PUS7: variants seen among roughly 807,000 people sequenced by gnomAD.
PUS7 encodes the protein pseudouridylate synthase 7 homolog.
Under a neutral mutation model 79.8 loss-of-function variants are expected in PUS7, and 48 were observed. That is an observed-to-expected ratio of 0.60 (90% CI 0.48 to 0.76). The LOEUF is 0.76. Ranked by LOEUF, PUS7 falls within the 30% of genes least tolerant of loss-of-function variation. The pLI, the probability that PUS7 is intolerant of heterozygous loss-of-function variation, is 0.00. For synonymous variants in PUS7, 286 were observed against 272.2 expected, an observed-to-expected ratio of 1.05 and a Z score of -0.50; for missense variants, 729 against 797.6, an observed-to-expected ratio of 0.91 and a Z score of 1.04.
chr7:105,491,580 C>T lies in PUS7; in HGVS notation c.880G>A (p.Asp294Asn). ...PNIFSYMGTK[D>N]KRAITVQEIA... ...TCTTGAACTGTTATAGCCCTTTTAT[C>T]TTTGGTTCCCATGTAGGAGAATATA... is the stretch of plus-strand genomic sequence containing the variant. The change falls in exon 7 of 16, where the codon GAT becomes AAT. Residue 294 changes from aspartate (D) to asparagine (N), a missense_variant. Transcript: ENST00000469408. The T allele has an allele frequency of 6.2e-7, 1 of 1,602,622 alleles. No individual in the cohort carries two copies. The highest frequency in any genetic ancestry group is 8.5e-7 in the Non-Finnish European group (1 of 1,169,896).
At chr7:105,501,965 AAAAAAT>A (rs956162385) in intron 5 of PUS7, among the ~76,000 whole-genome samples, 7 of 105,710 alleles carry the variant, frequency 6.6e-5, no homozygotes, top group South Asian at 3.1e-4. Flanking sequence ...AAAAAAAAAA[AAAAAAT>A]ATATATATAT....
At chr7:105,506,610 ACG>A (rs993677312) in intron 2 of PUS7, among the ~76,000 whole-genome samples, 3 of 151,804 alleles carry the variant, frequency 2.0e-5, no homozygotes, top group Admixed American at 2.0e-4. Flanking sequence ...TTTAGTAGAG[ACG>A]GGGTTGCACC....
Position 105,480,187 on chromosome 7 carries a change from T to C in PUS7, c.1175+865A>G, listed in dbSNP as rs570316437. Among the ~76,000 whole-genome samples, 30 of 151,634 alleles carry C rather than the reference T, an allele frequency of 2.0e-4. No individual in the cohort carries two copies. In the South Asian group the frequency reaches 2.1e-3, roughly 10 times the overall value. On this transcript the variant is annotated intron_variant, in intron 9 of 15. Coordinates refer to ENST00000469408, the MANE Select transcript of PUS7 (RefSeq NM_019042.5). ...ACCTGTTACAAAATAAAAATAAAAA[T>C]AGGGCTGGGCGTAGTGGCTCACACT...
At chr7:105,479,067 C>A (rs1824216213) in intron 9 of PUS7, among the ~76,000 whole-genome samples, 1 of 152,172 alleles carries the variant, frequency 6.6e-6, no homozygotes, top group Non-Finnish European at 1.5e-5. Flanking sequence ...GTCCTCTGAC[C>A]ATTAGCAAGG....
chr7:105,515,697 G>A (rs565512619), intron 1 of PUS7, among the ~76,000 whole-genome samples: 163 of 151,976 alleles, frequency 1.1e-3, no homozygotes, highest in African/African-American at 3.5e-3. Context: ...GCACAATCTC[G>A]GCTCACTGCA....
intron 2 of PUS7, among the ~76,000 whole-genome samples, chr7:105,507,766 T>C (rs1017280617): frequency 6.6e-6 from 1 of 151,994 alleles, no homozygotes; most frequent in African/African-American, 2.4e-5. Flanking sequence ...GGTCTCAAAC[T>C]CCTGACCTCA....
chr7:105,508,490 C>A lies in PUS7; in HGVS notation c.23G>T (p.Gly8Val). The stretch of plus-strand genomic sequence containing the variant: ...CAGTGCCCCACGTTTCAGCGACACA[C>A]CAGTCATTTCTGTCATCTCCATCTT... MEMTEMT[G>V]VSLKRGALVV... Residue 8 changes from glycine to valine, a missense_variant, in exon 2 of 16, where the codon GGT becomes GTT. Transcript: ENST00000469408. 6.2e-7 allele frequency: 1 copy of A among 1,613,186 alleles called. No individual in the cohort carries two copies. The highest frequency in any genetic ancestry group is 8.5e-7 in the Non-Finnish European group (1 of 1,179,526).
chr7:105,491,449 G>T, intron 7 of PUS7, 91 bp downstream of exon 7: 1 of 768,980 alleles, frequency 1.3e-6, no homozygotes, highest in Non-Finnish European at 2.0e-6. Flanking sequence ...ATCTAAAGCT[G>T]AGAGAGAAAC....
chr7:105,496,549 T>G (rs1825044914), intron 5 of PUS7, among the ~76,000 whole-genome samples: 1 of 152,168 alleles, frequency 6.6e-6, no homozygotes, highest in Non-Finnish European at 1.5e-5. Context: ...ATCCCTTATC[T>G]TCAGAGGCTT....
At chr7:105,470,633 T>A in intron 11 of PUS7, 55 bp downstream of exon 11, 1 of 1,473,878 alleles carries the variant, frequency 6.8e-7, no homozygotes, top group Non-Finnish European at 9.1e-7. Flanking sequence ...AAGATGAAAT[T>A]TAAAAAGCAT....
intron 5 of PUS7, among the ~76,000 whole-genome samples, chr7:105,498,206 A>G (rs563375004): frequency 6.6e-6 from 1 of 152,356 alleles, no homozygotes; most frequent in South Asian, 2.1e-4. Flanking sequence ...CTCAATATAC[A>G]AAATAGTAAG....
At position 105,508,209 on chromosome 7, in the gene PUS7, C is replaced by T; in HGVS notation, c.304G>A (p.Ala102Thr). Residue 102 changes from alanine to threonine, a missense_variant, in exon 2 of 16, where the codon GCA (alanine) becomes ACA (threonine). Transcript: ENST00000469408. ...ECEEEESESF[A>T]DMMKHGLTEA... Reference sequence around the variant, plus strand: ...GTGAGTCCATGCTTCATCATGTCTGCAAAACTCTCTGATTCCTCCTCCTCG... The same window carrying T: ...GTGAGTCCATGCTTCATCATGTCTGTAAAACTCTCTGATTCCTCCTCCTCG... 2 of 1,614,164 alleles carry T rather than the reference C, an allele frequency of 1.2e-6. No individual in the cohort carries two copies. Among genetic ancestry groups the T allele is most frequent in the Non-Finnish European group, 1.7e-6 (2 of 1,180,024 alleles).
intron 9 of PUS7, among the ~76,000 whole-genome samples, chr7:105,472,796 C>T (rs1418658749): frequency 6.6e-6 from 1 of 151,932 alleles, no homozygotes; most frequent in African/African-American, 2.4e-5. Flanking sequence ...CTCTGTTGCC[C>T]AGGCTGGAGT....
At chr7:105,507,374 G>C (rs73190133) in intron 2 of PUS7, among the ~76,000 whole-genome samples, 20,897 of 151,962 alleles carry the variant, frequency 0.14, 1,865 homozygotes, top group South Asian at 0.26. Flanking sequence ...AGGATGCTGA[G>C]GTTCAGAGAG....
intron 7 of PUS7, among the ~76,000 whole-genome samples, chr7:105,488,841 GTTCT>G (rs1824660312): frequency 6.6e-6 from 1 of 152,086 alleles, no homozygotes; most frequent in East Asian, 1.9e-4. Flanking sequence ...TTTCTACCTA[GTTCT>G]TTCTGTGTTG....
chr7:105,514,465 G>A (rs970826944), intron 1 of PUS7, among the ~76,000 whole-genome samples: 3 of 150,850 alleles, frequency 2.0e-5, no homozygotes, highest in Non-Finnish European at 4.4e-5. Flanking sequence ...TTAGCTGGGC[G>A]TGGTGACGGG....
Position 105,481,136 on chromosome 7 carries a change from T to A in PUS7, c.1091A>T (p.Asn364Ile). The A allele has an allele frequency of 6.2e-7, 1 of 1,611,394 alleles. No homozygotes were observed. The highest frequency in any genetic ancestry group is 2.2e-5 in the East Asian group (1 of 44,712). Reference sequence around the variant, plus strand: ...AATAAATCCAATCTCCTTGAGAGAGTTCATAGCTTGCTGTACTTGGTCATC... The same window carrying A: ...AATAAATCCAATCTCCTTGAGAGAGATCATAGCTTGCTGTACTTGGTCATC... ...GTDDQVQQAMNSLKEIGFINY... is the reference protein window; with the variant it reads ...GTDDQVQQAMISLKEIGFINY... Residue 364 changes from asparagine (N) to isoleucine (I), a missense_variant, in exon 9 of 16, where the codon AAC becomes ATC. Asn to Ile is a moderately radical substitution (Grantham distance 149). Transcript: ENST00000469408.
At chr7:105,470,987 A>G in intron 10 of PUS7, 139 bp from the exon 11 acceptor site, 1 of 912,160 alleles carries the variant, frequency 1.1e-6, no homozygotes, top group East Asian at 2.8e-5. Context: ...CACTCATCTG[A>G]GGAAGCGCAA....
intron 12 of PUS7, among the ~76,000 whole-genome samples, chr7:105,467,135 C>T (rs907879087): frequency 1.4e-5 from 2 of 143,140 alleles, no homozygotes; most frequent in African/African-American, 2.6e-5. Flanking sequence ...CACAGTAACA[C>T]TGAGGCTTTA....
Sources: allele counts gnomAD v4.1 joint callset (sites outside exome capture counted in the v4.1 genomes callset), GRCh38; gene constraint gnomAD v4.1.1; transcripts MANE v1.5; gene names NCBI Gene and HGNC (gene_info 2026-07-23, HGNC 2026-07-21).